AGBL4: variants seen among roughly 807,000 people sequenced by gnomAD.
AGBL4 encodes the protein AGBL carboxypeptidase 4, also known as cytosolic carboxypeptidase 6.
In AGBL4, 58 loss-of-function variants were observed where a neutral mutation model predicts 66.4. The observed-to-expected ratio is 0.87, with a 90% CI of 0.71 to 1.09. The LOEUF is 1.09. Ranked by LOEUF, AGBL4 falls within the 50% of genes least tolerant of loss-of-function variation. The pLI is 0.00. For missense variants in AGBL4, 579 were observed against 631.0 expected (o/e 0.92, Z 0.88); for synonymous variants, 234 against 222.9 (o/e 1.05, Z -0.44).
At chr1:48,785,408 T>A (rs1393691333) in intron 6 of AGBL4, among the ~76,000 whole-genome samples, 1 of 152,046 alleles carries the variant, frequency 6.6e-6, no homozygotes, top group Non-Finnish European at 1.5e-5. Flanking sequence ...AGGCAACAGG[T>A]GTACGAAGGG....
At chr1:49,458,406 C>A (rs1646437285) in intron 3 of AGBL4, among the ~76,000 whole-genome samples, 1 of 151,622 alleles carries the variant, frequency 6.6e-6, no homozygotes, top group Admixed American at 6.6e-5. Flanking sequence ...AATTTGGTAT[C>A]CTGAAACTTT....
At chr1:49,441,997 C>A (rs1351452663) in intron 3 of AGBL4, among the ~76,000 whole-genome samples, 3 of 152,150 alleles carry the variant, frequency 2.0e-5, no homozygotes, top group Non-Finnish European at 2.9e-5. Flanking sequence ...GCAGCAGAGA[C>A]CAACACTGAG....
intron 2 of AGBL4, chr1:49,844,658 T>C: frequency 1.3e-6 from 2 of 1,571,172 alleles, no homozygotes; most frequent in African/African-American, 2.7e-5. Flanking sequence ...GGAACAGAGA[T>C]TAAGGGACAT....
At chr1:49,142,756 TTAAA>T (rs1299353293) in intron 4 of AGBL4, among the ~76,000 whole-genome samples, 1 of 152,078 alleles carries the variant, frequency 6.6e-6, no homozygotes, top group Non-Finnish European at 1.5e-5. Flanking sequence ...GAATAGAAAC[TTAAA>T]TTAATAATAA....
At chr1:48,708,635 T>C (rs1646916818) in intron 6 of AGBL4, among the ~76,000 whole-genome samples, 1 of 152,178 alleles carries the variant, frequency 6.6e-6, no homozygotes, top group Non-Finnish European at 1.5e-5. Flanking sequence ...TACAGCCTTG[T>C]TTTCAAGGGA....
intron 1 of AGBL4, among the ~76,000 whole-genome samples, chr1:49,939,971 C>G (rs1317578555): frequency 2.0e-5 from 3 of 152,130 alleles, no homozygotes; most frequent in South Asian, 4.1e-4. Flanking sequence ...GGGCTAATAT[C>G]CAGAATCTAC....
At chr1:48,866,362 C>G (rs757489942) in intron 6 of AGBL4, among the ~76,000 whole-genome samples, 2 of 152,188 alleles carry the variant, frequency 1.3e-5, no homozygotes, top group Admixed American at 6.5e-5. Context: ...CTGTGCCACA[C>G]TAGCTCCTCC....
intron 3 of AGBL4, among the ~76,000 whole-genome samples, chr1:49,647,765 T>G (rs540184277): frequency 1.3e-5 from 2 of 150,432 alleles, no homozygotes; most frequent in Non-Finnish European, 2.9e-5. Flanking sequence ...AATACCCACC[T>G]CCAGCCCACT....
chr1:49,966,053 T>C (rs1180867172), intron 1 of AGBL4, among the ~76,000 whole-genome samples: 2 of 151,584 alleles, frequency 1.3e-5, no homozygotes, highest in Non-Finnish European at 2.9e-5. Flanking sequence ...GCCATTCTCC[T>C]GCCTCAGCCT....
chr1:49,235,669 C>G (rs930537699), intron 4 of AGBL4, among the ~76,000 whole-genome samples: 1 of 152,152 alleles, frequency 6.6e-6, no homozygotes, highest in Non-Finnish European at 1.5e-5. Context: ...TGGTTCCTAT[C>G]ACTTATAAGG....
At chr1:48,839,633 A>G (rs1318373414) in intron 6 of AGBL4, among the ~76,000 whole-genome samples, 1 of 152,142 alleles carries the variant, frequency 6.6e-6, no homozygotes, top group Non-Finnish European at 1.5e-5. Context: ...AATACACAGG[A>G]GTTGGTGATG....
chr1:50,006,924 A>C (rs1661171799), intron 1 of AGBL4, among the ~76,000 whole-genome samples: 1 of 152,194 alleles, frequency 6.6e-6, no homozygotes, highest in South Asian at 2.1e-4. Flanking sequence ...AAGACATAGA[A>C]TATTTTAACA....
intron 2 of AGBL4, among the ~76,000 whole-genome samples, chr1:49,721,408 CAGTG>C (rs1648598774): frequency 6.6e-6 from 1 of 151,784 alleles, no homozygotes; most frequent in Non-Finnish European, 1.5e-5. Context: ...TTCTTGAAGT[CAGTG>C]AGACCACAAA....
chr1:49,164,952 C>G (rs895774810), intron 4 of AGBL4, among the ~76,000 whole-genome samples: 2 of 152,046 alleles, frequency 1.3e-5, no homozygotes, highest in African/African-American at 4.8e-5. Flanking sequence ...AGAGCCAGCT[C>G]CATAGTCTCT....
chr1:48,847,126 C>G (rs568289146), intron 6 of AGBL4, among the ~76,000 whole-genome samples: 70 of 152,196 alleles, frequency 4.6e-4, no homozygotes, highest in African/African-American at 1.3e-3. Context: ...CATGGAGAAA[C>G]CCCGTCTCTA....
At chr1:49,029,540 T>G (rs1163793362) in intron 5 of AGBL4, among the ~76,000 whole-genome samples, 2 of 152,260 alleles carry the variant, frequency 1.3e-5, no homozygotes. Context: ...TTAAAGAAGA[T>G]CTAAATAAAA....
At chr1:49,440,348 G>T (rs374523009) in intron 3 of AGBL4, among the ~76,000 whole-genome samples, 1 of 152,136 alleles carries the variant, frequency 6.6e-6, no homozygotes, top group South Asian at 2.1e-4. Context: ...GATTACAGGC[G>T]TGAGCCACTG....
intron 6 of AGBL4, among the ~76,000 whole-genome samples, chr1:48,832,144 A>T (rs190505169): frequency 2.0e-5 from 3 of 152,290 alleles, no homozygotes; most frequent in East Asian, 3.9e-4. Flanking sequence ...AGTGTCTGGC[A>T]TAATGTCCTT....
At chr1:49,761,664 T>A (rs1571508574) in intron 2 of AGBL4, among the ~76,000 whole-genome samples, 1 of 152,246 alleles carries the variant, frequency 6.6e-6, no homozygotes, top group East Asian at 1.9e-4. Context: ...TTATTTAGTA[T>A]ATCCATCACC....
Sources: gnomAD v4.1 joint callset for allele counts (sites outside exome capture counted in the v4.1 genomes callset) on GRCh38, gnomAD v4.1.1 for gene constraint, MANE v1.5 for transcripts, NCBI Gene and HGNC (gene_info 2026-07-23, HGNC 2026-07-21) for gene names.